BAD: variants seen among roughly 807,000 people sequenced by gnomAD.
BAD encodes bcl2-associated agonist of cell death.
Under a neutral mutation model 17.8 loss-of-function variants are expected in BAD, and 18 were observed. The observed-to-expected ratio is 1.01, with a 90% confidence interval of 0.70 to 1.50. BAD has a LOEUF of 1.50. Ranked by LOEUF, BAD falls within the 40% of genes most tolerant of loss-of-function variation. BAD has a pLI of 0.00. For missense variants in BAD, 294 were observed against 239.3 expected (o/e 1.23, Z -1.51); for synonymous variants, 112 against 91.5 (o/e 1.22, Z -1.28).
chr11:64,279,502 C>T (rs185198826), intron 2 of BAD, among the ~76,000 whole-genome samples: 117 of 152,368 alleles, frequency 7.7e-4, no homozygotes, highest in South Asian at 4.1e-3. Context: ...CGCGGTGGCT[C>T]ATGCCTGTAA....
Position 64,270,076 on chromosome 11 carries a change from G to T in BAD, c.*133C>A, listed in dbSNP as rs1324944583. 1.4e-6 allele frequency: 2 copies of T among 1,454,476 alleles called. No individual in the cohort carries two copies. The allele number at this position is 1,454,476 out of a possible 1,614,324, so 90.1% of individuals were successfully genotyped here. On this transcript the variant is annotated 3_prime_UTR_variant, in exon 4 of 4. Coordinates refer to ENST00000309032, the MANE Select transcript of BAD (RefSeq NM_032989.3). ...TCACACGCACCGGAAGGGAATCTGG[G>T]TCAGCCCTCCCTCCAAAGGAGACAG...
Position 64,269,938 on chromosome 11 carries a change from A to C in BAD, c.*271T>G. The C allele has an allele frequency of 7.0e-6, 5 of 716,968 alleles. No individual in the cohort carries two copies. Among genetic ancestry groups the C allele is most frequent in the South Asian group, 3.0e-5 (2 of 67,006 alleles). 44.4% of individuals were successfully genotyped at this position (716,968 alleles called of 1,614,324 possible). A position where few individuals can be genotyped will look rare whatever the true frequency, so the allele number is the denominator to read the frequency against. ...AACGGTTAAACCTGGCTCGCGACTT[A>C]GCGCAGGCGCCTGGGGGAAAGCCCG... On this transcript the variant is annotated 3_prime_UTR_variant, in exon 4 of 4. Transcript: ENST00000309032.
intron 2 of BAD, among the ~76,000 whole-genome samples, chr11:64,281,271 G>C (rs1162998319): frequency 6.6e-6 from 1 of 152,060 alleles, no homozygotes; most frequent in East Asian, 1.9e-4. Flanking sequence ...CAGCCTAATA[G>C]TTTTTTTAAA....
chr11:64,271,823 A>T lies in BAD; in HGVS notation c.188-20T>A, dbSNP rs756919548. Reference sequence around the variant, plus strand: ...CAGCGCCTGCAGAGGGTCAGTGGGTAGGGGGGCGACGTTAATCTCAGCTCC... The same window carrying T: ...CAGCGCCTGCAGAGGGTCAGTGGGTTGGGGGGCGACGTTAATCTCAGCTCC... On this transcript the variant is annotated intron_variant, in intron 2 of 3. Coordinates refer to ENST00000309032, the MANE Select transcript of BAD (RefSeq NM_032989.3). 3 of 1,373,386 alleles carry T rather than the reference A, an allele frequency of 2.2e-6. No homozygotes were observed. The highest frequency in any genetic ancestry group is 2.0e-4 in the Middle Eastern group (1 of 4,966). 85.1% of individuals were successfully genotyped at this position (1,373,386 alleles called of 1,614,324 possible). A position where few individuals can be genotyped will look rare whatever the true frequency, so the allele number is the denominator to read the frequency against.
Position 64,271,738 on chromosome 11 carries a change from C to A in BAD, c.253G>T (p.Gly85Trp). Reference sequence around the variant, plus strand: ...AAGGGGCTGGGCTCCTCCCCCATCCCTTCGTCGTCCTCCGTCCCCGCGGGG... The same window carrying A: ...AAGGGGCTGGGCTCCTCCCCCATCCATTCGTCGTCCTCCGTCCCCGCGGGG... Reference protein sequence around the residue: ...SYPAGTEDDEGMGEEPSPFRG... With the variant: ...SYPAGTEDDEWMGEEPSPFRG... Residue 85 changes from glycine to tryptophan, a missense_variant, in exon 3 of 4, where the codon GGG becomes TGG. Physicochemically the swap from Gly to Trp is radical, Grantham distance 184. Transcript: ENST00000309032. 4 of 1,447,954 alleles carry A rather than the reference C, an allele frequency of 2.8e-6. No homozygotes were observed. Among genetic ancestry groups the A allele is most frequent in the Non-Finnish European group, 3.6e-6 (4 of 1,100,604 alleles). 89.7% of individuals were successfully genotyped at this position (1,447,954 alleles called of 1,614,324 possible). A position where few individuals can be genotyped will look rare whatever the true frequency, so the allele number is the denominator to read the frequency against.
chr11:64,271,764 T>TTTTA lies in BAD; in HGVS notation c.226_227insTAAA (p.Tyr76LeufsTer45). On this transcript the variant is annotated frameshift_variant, in exon 3 of 4. Coordinates refer to ENST00000309032, the MANE Select transcript of BAD (RefSeq NM_032989.3). LOFTEE classifies it high-confidence loss of function. ...TTCGTCGTCCTCCGTCCCCGCGGGG[T>TTTTA]AGGAGCTGTGGCGACTCCGGATCTC... 7.2e-7 allele frequency: 1 copy of TTTTA among 1,397,456 alleles called. No homozygotes were observed. Among genetic ancestry groups the TTTTA allele is most frequent in the Non-Finnish European group, 9.3e-7 (1 of 1,073,716 alleles). 86.6% of individuals were successfully genotyped at this position (1,397,456 alleles called of 1,614,324 possible). A position where few individuals can be genotyped will look rare whatever the true frequency, so the allele number is the denominator to read the frequency against.
In BAD at chr11:64,271,765, A is replaced by G; in HGVS notation, c.226T>C (p.Tyr76His). 7.0e-7 allele frequency: 1 copy of G among 1,431,480 alleles called. No individual in the cohort carries two copies. Among genetic ancestry groups the G allele is most frequent in the Non-Finnish European group, 9.2e-7 (1 of 1,091,800 alleles). The allele number at this position is 1,431,480 out of a possible 1,614,324, so 88.7% of individuals were successfully genotyped here. A position where few individuals can be genotyped will look rare whatever the true frequency, so the allele number is the denominator to read the frequency against. The change falls in exon 3 of 4, where the codon TAC becomes CAC. Residue 76 changes from tyrosine to histidine, a missense_variant. By Grantham distance (83) the Tyr-to-His change is moderately conservative. Transcript: ENST00000309032. ...AVEIRSRHSS[Y>H]PAGTEDDEGM... is the part of the protein sequence containing the mutation. Reference sequence around the variant, plus strand: ...TCGTCGTCCTCCGTCCCCGCGGGGTAGGAGCTGTGGCGACTCCGGATCTCC... The same window carrying G: ...TCGTCGTCCTCCGTCCCCGCGGGGTGGGAGCTGTGGCGACTCCGGATCTCC...
intron 2 of BAD, among the ~76,000 whole-genome samples, chr11:64,279,805 T>TA (rs2033320111): frequency 6.8e-6 from 1 of 147,944 alleles, no homozygotes; most frequent in African/African-American, 2.5e-5. Flanking sequence ...TCCCACCCTC[T>TA]AGGGTAGCCT....
In BAD at chr11:64,271,808, A is replaced by T; in HGVS notation, c.188-5T>A. Reference sequence around the variant, plus strand: ...GGATCTCCACAGCCCCAGCGCCTGCAGAGGGTCAGTGGGTAGGGGGGCGAC... The same window carrying T: ...GGATCTCCACAGCCCCAGCGCCTGCTGAGGGTCAGTGGGTAGGGGGGCGAC... On this transcript the variant is annotated splice_polypyrimidine_tract_variant and splice_region_variant and intron_variant, in intron 2 of 3. Transcript: ENST00000309032. The T allele has an allele frequency of 7.2e-7, 1 of 1,398,572 alleles. No individual in the cohort carries two copies. Among genetic ancestry groups the T allele is most frequent in the East Asian group, 2.8e-5 (1 of 35,882 alleles). The allele number at this position is 1,398,572 out of a possible 1,614,324, so 86.6% of individuals were successfully genotyped here.
intron 2 of BAD, among the ~76,000 whole-genome samples, chr11:64,277,677 G>T (rs994773521): frequency 2.0e-5 from 3 of 152,162 alleles, no homozygotes. Flanking sequence ...GAGCTCAAGT[G>T]ATCCTCCTGC....
Position 64,270,050 on chromosome 11 carries a change from T to G in BAD, c.*159A>C, listed in dbSNP as rs1456148403. 1.5e-6 allele frequency: 2 copies of G among 1,333,730 alleles called. No homozygotes were observed. Among genetic ancestry groups the G allele is most frequent in the East Asian group, 2.5e-5 (1 of 39,694 alleles). 82.6% of individuals were successfully genotyped at this position (1,333,730 alleles called of 1,614,324 possible). On this transcript the variant is annotated 3_prime_UTR_variant, in exon 4 of 4. Transcript: ENST00000309032. ...CCGATGGGACCAAGCCTTCCGTGGC[T>G]TCACACGCACCGGAAGGGAATCTGG...
intron 2 of BAD, among the ~76,000 whole-genome samples, chr11:64,282,063 G>A (rs1208243003): frequency 6.6e-6 from 1 of 152,094 alleles, no homozygotes; most frequent in Non-Finnish European, 1.5e-5. Flanking sequence ...ATCTTCTCAC[G>A]CATGATAGGA....
At chr11:64,273,691 C>T (rs76135837) in intron 2 of BAD, among the ~76,000 whole-genome samples, 31 of 151,696 alleles carry the variant, frequency 2.0e-4, no homozygotes, top group Middle Eastern at 3.4e-3. Context: ...ACCAGACTGA[C>T]CAAGATGGTA....
chr11:64,273,227 G>A (rs1021409621), intron 2 of BAD, among the ~76,000 whole-genome samples: 2 of 152,114 alleles, frequency 1.3e-5, no homozygotes, highest in East Asian at 1.9e-4. Context: ...ACAAAAATTA[G>A]TTAGGTGTGG....
rs750070533 is a variant in BAD, at chr11:64,284,139, G to A, written c.187+43C>T. On this transcript the variant is annotated intron_variant, in intron 2 of 3. Coordinates refer to ENST00000309032, the MANE Select transcript of BAD (RefSeq NM_032989.3). ...CTGGGATGCAGGGAGCCAGTGGGCT[G>A]GGGGTGAGGTGTCCCGGCAGGTGGA... 9.2e-6 allele frequency: 14 copies of A among 1,526,232 alleles called. No homozygotes were observed. The East Asian group carries it at 1.1e-4, about 12-fold the overall frequency. 94.5% of individuals were successfully genotyped at this position (1,526,232 alleles called of 1,614,324 possible).
In BAD at chr11:64,270,227, G is replaced by T; in HGVS notation, c.489C>A (p.Ser163Arg). Residue 163 changes from serine (S) to arginine (R), a missense_variant, in exon 4 of 4, where the codon AGC (serine) becomes AGA (arginine). Physicochemically the swap from Ser to Arg is moderately radical, Grantham distance 110 (BLOSUM62 -1). Transcript: ENST00000309032. ...GCGAAGGTCACTGGGAGGGGGCGGA[G>T]CTTCCCCTGCCCAAGTTCCGATCCC... ...SWWDRNLGRG[S>R]SAPSQ The T allele has an allele frequency of 2.5e-6, 4 of 1,613,050 alleles. No individual in the cohort carries two copies. The highest frequency in any genetic ancestry group is 3.4e-6 in the Non-Finnish European group (4 of 1,179,280).
rs550453760 is a variant in BAD, at chr11:64,270,029, T to G, written c.*180A>C. ...TGGGCGGAAAACCCAAAACTTCCGA[T>G]GGGACCAAGCCTTCCGTGGCTTCAC... On this transcript the variant is annotated 3_prime_UTR_variant, in exon 4 of 4. Coordinates refer to ENST00000309032, the MANE Select transcript of BAD (RefSeq NM_032989.3). The G allele has an allele frequency of 3.0e-5, 37 of 1,220,850 alleles. No individual in the cohort carries two copies. The African/African-American group carries it at 5.0e-4, about 17-fold the overall frequency. 75.6% of individuals were successfully genotyped at this position (1,220,850 alleles called of 1,614,324 possible).
chr11:64,269,834 G>C lies in BAD; in HGVS notation c.*375C>G, dbSNP rs779622078. ...GTCGACGCACAGAAAAGCCTCGGCGGCACAGACGCGGGCTTTATTAACATT... is the reference window on the plus strand; with the variant it reads ...GTCGACGCACAGAAAAGCCTCGGCGCCACAGACGCGGGCTTTATTAACATT... On this transcript the variant is annotated 3_prime_UTR_variant, in exon 4 of 4. Transcript: ENST00000309032. The C allele has an allele frequency of 1.6e-5, 11 of 691,226 alleles. No homozygotes were observed. The highest frequency in any genetic ancestry group is 2.9e-5 in the Non-Finnish European group (11 of 380,046). 42.8% of individuals were successfully genotyped at this position (691,226 alleles called of 1,614,324 possible).
rs556266858 is a variant in BAD at position 64,284,643 on chromosome 11, C to A, written c.-21G>T. 1.2e-5 allele frequency: 18 copies of A among 1,531,234 alleles called. No homozygotes were observed. In the East Asian group the frequency reaches 4.4e-4, roughly 37 times the overall value. 94.9% of individuals were successfully genotyped at this position (1,531,234 alleles called of 1,614,324 possible). A position where few individuals can be genotyped will look rare whatever the true frequency, so the allele number is the denominator to read the frequency against. On this transcript the variant is annotated 5_prime_UTR_variant, in exon 1 of 4. Transcript: ENST00000309032. ...GCACAGGTCTCACCCCAAGCCCGAT[C>A]TCGAGGCCCCTGACCCGGGCCTGCC...
Sources: allele counts gnomAD v4.1 joint callset (sites outside exome capture counted in the v4.1 genomes callset), GRCh38; gene constraint gnomAD v4.1.1; transcripts MANE v1.5; gene names NCBI Gene and HGNC (gene_info 2026-07-23, HGNC 2026-07-21).